Variants in TUSC3 observed in about 807,000 individuals in gnomAD.
TUSC3 encodes tumor suppressor candidate 3.
A neutral mutation model predicts 44.8 loss-of-function variants in TUSC3; 45 were observed. The observed-to-expected ratio is 1.00, with a 90% CI of 0.79 to 1.29. The LOEUF is 1.29. TUSC3 is among the 50% of genes most tolerant of loss of function. TUSC3 has a pLI of 0.00. For missense variants in TUSC3, 519 were observed against 437.9 expected (o/e 1.19, Z -1.65); for synonymous variants, 212 against 152.9 (o/e 1.39, Z -2.85).
intron 9 of TUSC3, among the ~76,000 whole-genome samples, chr8:15,750,094 C>G (rs1388790137): frequency 2.0e-5 from 3 of 151,168 alleles, no homozygotes; most frequent in African/African-American, 4.9e-5. Flanking sequence ...ATTCTCCTGC[C>G]TCAGCCTCCC....
chr8:15,578,314 C>T (rs1207117627), intron 1 of TUSC3, among the ~76,000 whole-genome samples: 32 of 124,656 alleles, frequency 2.6e-4, no homozygotes, highest in Non-Finnish European at 3.8e-4. Context: ...GTTTCCTTCT[C>T]CTGCCTAATT....
intron 1 of TUSC3, among the ~76,000 whole-genome samples, chr8:15,433,990 C>G (rs1799912935): frequency 6.6e-6 from 1 of 152,170 alleles, no homozygotes; most frequent in Middle Eastern, 3.4e-3. Flanking sequence ...AGTGTAATTA[C>G]TGTGTCATAT....
At chr8:15,808,424 A>G in the TUSC3 span, among the ~76,000 whole-genome samples, 11 of 152,188 alleles carry the variant, frequency 7.2e-5, no homozygotes, top group African/African-American at 2.2e-4. Flanking sequence ...TTTTATTACT[A>G]TCAGTGAGAG....
intron 1 of TUSC3, among the ~76,000 whole-genome samples, chr8:15,593,712 A>G (rs550752974): frequency 3.9e-4 from 60 of 152,180 alleles, no homozygotes; most frequent in African/African-American, 1.3e-3. Context: ...CTACCATTAT[A>G]TTGAAATTAT....
chr8:15,673,699 C>T, intron 5 of TUSC3, 48 bp from the exon 6 acceptor site: 1 of 1,374,606 alleles, frequency 7.3e-7, no homozygotes, highest in Admixed American at 1.7e-5. Context: ...ATGCATTATT[C>T]TGGTATTCTC....
chr8:15,488,095 A>G (rs1800757129), intron 2 of TUSC3, among the ~76,000 whole-genome samples: 1 of 152,100 alleles, frequency 6.6e-6, no homozygotes, highest in African/African-American at 2.4e-5. Flanking sequence ...GAAGATTTAA[A>G]GTAGAAAATG....
intron 2 of TUSC3, among the ~76,000 whole-genome samples, chr8:15,519,457 C>A (rs947120179): frequency 2.6e-5 from 4 of 152,068 alleles, no homozygotes. Flanking sequence ...AGCCACAGAC[C>A]AGTACCAGTC....
the TUSC3 span, among the ~76,000 whole-genome samples, chr8:15,801,846 G>C: frequency 1.3e-5 from 2 of 152,184 alleles, no homozygotes; most frequent in Non-Finnish European, 2.9e-5. Flanking sequence ...TCAAGAAATT[G>C]AATCAACAAG....
intron 6 of TUSC3, chr8:15,689,158 A>G: frequency 2.5e-6 from 1 of 400,830 alleles, no homozygotes; most frequent in Non-Finnish European, 5.0e-6. Flanking sequence ...TTTTCTTTCC[A>G]CTCTGCTTCT....
intron 1 of TUSC3, among the ~76,000 whole-genome samples, chr8:15,479,647 C>T (rs1298398597): frequency 6.6e-6 from 1 of 152,132 alleles, no homozygotes; most frequent in African/African-American, 2.4e-5. Flanking sequence ...GTCTCTGTGT[C>T]TGTTTTGTAC....
chr8:15,727,722 C>G (rs1050636112), intron 6 of TUSC3, among the ~76,000 whole-genome samples: 3 of 152,190 alleles, frequency 2.0e-5, no homozygotes, highest in African/African-American at 7.2e-5. Context: ...AAGATAGAAA[C>G]AGCTTCTCGG....
At chr8:15,436,445 G>A (rs900802002) in intron 1 of TUSC3, among the ~76,000 whole-genome samples, 3 of 152,138 alleles carry the variant, frequency 2.0e-5, no homozygotes, top group South Asian at 2.1e-4. Context: ...TTAGACCTCC[G>A]CTTTGCTGTT....
rs572421932 is a variant in TUSC3 at position 15,721,933 on chromosome 8, C to T, written c.799-8733C>T. On this transcript the variant is annotated intron_variant, in intron 6 of 10. Coordinates refer to ENST00000503731, the MANE Select transcript of TUSC3 (RefSeq NM_006765.4). The stretch of plus-strand genomic sequence containing the variant: ...TACAAATATATAGTATAGTATACTA[C>T]TATCCTAATAGTATAGTATTATATT... 4.8e-4 allele frequency among the ~76,000 whole-genome samples: 72 copies of T among 151,448 alleles called. 1 individual carries two copies. Among genetic ancestry groups the T allele is most frequent in the African/African-American group, 1.7e-3 (71 of 41,344 alleles).
At position 15,664,625 on chromosome 8, in the gene TUSC3, C is replaced by CAA. The variant is rs148019049; in HGVS notation, c.708+2331_708+2332dup. On this transcript the variant is annotated intron_variant, in intron 5 of 10. Coordinates refer to ENST00000503731, the MANE Select transcript of TUSC3 (RefSeq NM_006765.4). ...AGGCTGCAGAGAACAGACATGTTTT[C>CAA]AAACAGTGAGTTTGAAAACACTACA... Among the ~76,000 whole-genome samples, 725 of 149,522 alleles carry CAA rather than the reference C, an allele frequency of 4.8e-3. 19 individuals are homozygous for CAA. The East Asian group carries it at 0.071, about 15-fold the overall frequency.
chr8:15,497,072 T>C (rs1410083686), intron 2 of TUSC3, among the ~76,000 whole-genome samples: 1 of 152,016 alleles, frequency 6.6e-6, no homozygotes, highest in East Asian at 1.9e-4. Flanking sequence ...AATGACAAAA[T>C]ACGGAAAATA....
intron 5 of TUSC3, among the ~76,000 whole-genome samples, chr8:15,668,146 T>G (rs1807760962): frequency 1.3e-5 from 2 of 151,762 alleles, no homozygotes; most frequent in African/African-American, 4.8e-5. Flanking sequence ...AGCCACAGCA[T>G]TTAGAATTGT....
chr8:15,616,068 T>C (rs1242312883), intron 1 of TUSC3, among the ~76,000 whole-genome samples: 4 of 152,162 alleles, frequency 2.6e-5, no homozygotes, highest in Non-Finnish European at 4.4e-5. Context: ...GAATAAGTTC[T>C]AATGGTCGAT....
intron 1 of TUSC3, among the ~76,000 whole-genome samples, chr8:15,579,130 T>C (rs573541317): frequency 5.4e-5 from 8 of 147,240 alleles, no homozygotes; most frequent in Non-Finnish European, 1.0e-4. Context: ...TTCTCTGATA[T>C]TAGTTTGTAT....
chr8:15,822,801 T>C, the TUSC3 span, among the ~76,000 whole-genome samples: 3 of 152,122 alleles, frequency 2.0e-5, no homozygotes, highest in Non-Finnish European at 4.4e-5. Flanking sequence ...AGTGATAAAA[T>C]AAGAACTGAG....
Sources: gnomAD v4.1 joint callset for allele counts (sites outside exome capture counted in the v4.1 genomes callset) on GRCh38, gnomAD v4.1.1 for gene constraint, MANE v1.5 for transcripts, NCBI Gene and HGNC (gene_info 2026-07-23, HGNC 2026-07-21) for gene names.